DLEC1: variants seen among roughly 807,000 people sequenced by gnomAD.
DLEC1 encodes the protein DLEC1 cilia and flagella associated protein.
DLEC1 carries 146 observed loss-of-function variants against 198.1 expected under a neutral mutation model. The ratio of observed to expected loss-of-function variants is 0.74; its 90% CI spans 0.64 to 0.85. The LOEUF (loss-of-function observed/expected upper bound fraction) is 0.85, where lower values mean the gene tolerates loss of function less well. Among genes scored for constraint, DLEC1 ranks in the 40% least tolerant of loss-of-function variants. DLEC1 has a pLI of 0.00. For synonymous variants in DLEC1, 897 were observed against 866.8 expected, an observed-to-expected ratio of 1.03 and a Z score of -0.61; for missense variants, 2,233 against 2,220.0, an observed-to-expected ratio of 1.01 and a Z score of -0.12.
chr3:38,060,827 T>C (rs1696642567), intron 3 of DLEC1, among the ~76,000 whole-genome samples: 1 of 152,036 alleles, frequency 6.6e-6, no homozygotes, highest in Non-Finnish European at 1.5e-5. Flanking sequence ...CCCAAGTAGC[T>C]GGGATTACAG....
chr3:38,110,004 G>A lies in DLEC1; in HGVS notation c.3261-95G>A. 2.1e-6 allele frequency: 3 copies of A among 1,399,972 alleles called. No homozygotes were observed. The South Asian group carries it at 3.9e-5, about 18-fold the overall frequency. 86.7% of individuals were successfully genotyped at this position (1,399,972 alleles called of 1,614,324 possible). A position where few individuals can be genotyped will look rare whatever the true frequency, so the allele number is the denominator to read the frequency against. On this transcript the variant is annotated intron_variant, in intron 22 of 36. Transcript: ENST00000308059. ...AGTCTGAGGATGAAGCCTGGTGTCT[G>A]GGCAGCTTCTGCATGCCCACCCAAG...
In DLEC1 at chr3:38,067,752, C is replaced by CTTTT. The variant is rs34213412; in HGVS notation, c.1173+3848_1173+3851dup. Among the ~76,000 whole-genome samples the CTTTT allele has an allele frequency of 2.8e-3, 346 of 123,702 alleles. 9 individuals carry two copies. The highest frequency in any genetic ancestry group is 0.01 in the African/African-American group (322 of 31,776). 81.2% of individuals were successfully genotyped at this position (123,702 alleles called of 152,430 possible). ...ATGACAATGCAAGTGAGTATCTGCA[C>CTTTT]TTTTTTTTTTTTTTTTTTGAGATGG... On this transcript the variant is annotated intron_variant, in intron 6 of 36. Transcript: ENST00000308059.
At chr3:38,098,065 G>C (rs899272204) in intron 18 of DLEC1, among the ~76,000 whole-genome samples, 163 bp downstream of exon 18, 23 of 152,208 alleles carry the variant, frequency 1.5e-4, no homozygotes, top group African/African-American at 5.5e-4. Flanking sequence ...TCTCCCCATC[G>C]CTGAGGCAGC....
At chr3:38,044,621 C>G (rs1199131130) in intron 1 of DLEC1, among the ~76,000 whole-genome samples, 2 of 152,170 alleles carry the variant, frequency 1.3e-5, no homozygotes, top group Admixed American at 1.3e-4. Context: ...ACTGTGTTGC[C>G]CAGGCTGATC....
chr3:38,079,393 G>A (rs1408134986), intron 6 of DLEC1, among the ~76,000 whole-genome samples: 1 of 152,146 alleles, frequency 6.6e-6, no homozygotes, highest in African/African-American at 2.4e-5. Context: ...AGGGAAACAG[G>A]CCCTTGAAAA....
In DLEC1 at chr3:38,110,240, T is replaced by C. The variant is rs12630114; in HGVS notation, c.3402T>C (p.Tyr1134=). The C allele has an allele frequency of 0.38, 613,516 of 1,613,856 alleles. 120,200 individuals carry two copies. The highest frequency in any genetic ancestry group is 0.58 in the East Asian group (25,866 of 44,866). Reference sequence around the variant, plus strand: ...CCCGTTTCTCCCTCAAGTTTGAGTATTTCGGGAGCCCCCAAAACAGCCTGA... The same window carrying C: ...CCCGTTTCTCCCTCAAGTTTGAGTACTTCGGGAGCCCCCAAAACAGCCTGA... ...IRTRFSLKFE[Y]FGSPQNSLSK... Residue 1134 remains tyrosine, a synonymous_variant, in exon 23 of 37, where the codon TAT becomes TAC. Transcript: ENST00000308059.
At chr3:38,096,844 G>A in intron 15 of DLEC1, 107 bp downstream of exon 15, 1 of 1,314,440 alleles carries the variant, frequency 7.6e-7, no homozygotes, top group Non-Finnish European at 1.0e-6. Flanking sequence ...GCCACTGCAT[G>A]GAGGCTGAGG....
intron 22 of DLEC1, chr3:38,109,882 G>T: frequency 1.5e-6 from 1 of 685,636 alleles, no homozygotes; most frequent in Non-Finnish European, 2.4e-6. Context: ...CCAGCATGCC[G>T]CTGGCCAGGG....
At chr3:38,077,945 A>C (rs1330561686) in intron 6 of DLEC1, among the ~76,000 whole-genome samples, 1 of 152,192 alleles carries the variant, frequency 6.6e-6, no homozygotes, top group Non-Finnish European at 1.5e-5. Context: ...GAGAGGTTCT[A>C]AGAGGCGGGC....
chr3:38,064,076 G>A (rs1236276376), intron 6 of DLEC1, among the ~76,000 whole-genome samples, 157 bp downstream of exon 6: 1 of 149,646 alleles, frequency 6.7e-6, no homozygotes, highest in Non-Finnish European at 1.5e-5. Flanking sequence ...ATTTGGCAGG[G>A]TCTAGGACAA....
chr3:38,117,477 A>G lies in DLEC1; in HGVS notation c.4401-50A>G, dbSNP rs775802861. 2.2e-5 allele frequency: 36 copies of G among 1,611,602 alleles called. No individual in the cohort carries two copies. In the East Asian group the frequency reaches 6.9e-4, roughly 31 times the overall value. On this transcript the variant is annotated intron_variant, in intron 31 of 36. Transcript: ENST00000308059. ...CTGGATGAGCAGAGTGGGGGCAGCCAGAAGGCCCCAGGCGCCCGGCTTGCC... is the reference window on the plus strand; with the variant it reads ...CTGGATGAGCAGAGTGGGGGCAGCCGGAAGGCCCCAGGCGCCCGGCTTGCC...
intron 6 of DLEC1, among the ~76,000 whole-genome samples, chr3:38,068,897 G>A (rs1697171306): frequency 6.6e-6 from 1 of 152,160 alleles, no homozygotes; most frequent in Non-Finnish European, 1.5e-5. Context: ...AATATAACAT[G>A]AATTACTAAT....
Position 38,122,072 on chromosome 3 carries a change from C to A in DLEC1, c.5022C>A (p.Gly1674=), listed in dbSNP as rs1407212931. The A allele has an allele frequency of 3.7e-6, 6 of 1,613,782 alleles. No homozygotes were observed. The highest frequency in any genetic ancestry group is 5.1e-6 in the Non-Finnish European group (6 of 1,179,884). Residue 1674 remains glycine, a splice_region_variant and synonymous_variant, in exon 36 of 37, where the codon GGC becomes GGA. Coordinates refer to ENST00000308059, the MANE Select transcript of DLEC1 (RefSeq NM_007335.4). ...TGTCTTCCCTTCCCTTTGGTGCAGG[C>A]CAGCAGGAGCCAGCCAAGGCCGCTG... ...GCRSYWTMLM[G]QQEPAKAAVA...
chr3:38,062,768 TAGG>T lies in DLEC1; in HGVS notation c.1064_1066del (p.Gly355del), dbSNP rs1483343025. ...TTTCCTCCAAAGAAGCCAGCACCGA[TAGG>T]AGAATTCCAGAGTACAGAGCCAGAA... On this transcript the variant is annotated inframe_deletion, in exon 5 of 37. Coordinates refer to ENST00000308059, the MANE Select transcript of DLEC1 (RefSeq NM_007335.4). The T allele has an allele frequency of 7.4e-6, 12 of 1,613,900 alleles. No homozygotes were observed. In the African/African-American group the frequency reaches 1.1e-4, roughly 14 times the overall value.
chr3:38,053,436 G>C (rs920873629), intron 2 of DLEC1, among the ~76,000 whole-genome samples: 3 of 152,106 alleles, frequency 2.0e-5, no homozygotes, highest in South Asian at 2.1e-4. Flanking sequence ...CCTCTGCCCG[G>C]CCGCGACCCC....
rs929120770 is a variant in DLEC1, at chr3:38,112,615, G to C, written c.3666+254G>C. ...ACCTTTTCCCAGGAGATGCAGGGCT[G>C]GGGCCATATCGAGGAGGGAAGAGGA... On this transcript the variant is annotated intron_variant, in intron 25 of 36. Coordinates refer to ENST00000308059, the MANE Select transcript of DLEC1 (RefSeq NM_007335.4). The surrounding 1 kb of genome is among the most constrained non-coding windows in gnomAD (Gnocchi z 4.8). 6.6e-6 allele frequency among the ~76,000 whole-genome samples: 1 copy of C among 152,208 alleles called. No individual in the cohort carries two copies. The highest frequency in any genetic ancestry group is 2.4e-5 in the African/African-American group (1 of 41,444).
intron 6 of DLEC1, among the ~76,000 whole-genome samples, chr3:38,066,070 C>T (rs1462725016): frequency 6.6e-6 from 1 of 152,154 alleles, no homozygotes; most frequent in Non-Finnish European, 1.5e-5. Context: ...AAGAATACTT[C>T]CTTGGTGGTA....
Position 38,107,588 on chromosome 3 carries a change from C to G in DLEC1, c.2869C>G (p.Leu957Val). Residue 957 changes from leucine (L) to valine (V), a missense_variant, in exon 20 of 37, where the codon CTT becomes GTT. Coordinates refer to ENST00000308059, the MANE Select transcript of DLEC1 (RefSeq NM_007335.4). ...LEVENGAWSY[L>V]PVYAEVQKPH... ...TTTTGTTTCCTCGTGTTCCAGCTAC[C>G]TTCCTGTGTATGCTGAGGTACAGAA... is the stretch of plus-strand genomic sequence containing the variant. The G allele has an allele frequency of 1.9e-6, 3 of 1,604,382 alleles. No individual in the cohort carries two copies. The highest frequency in any genetic ancestry group is 2.6e-6 in the Non-Finnish European group (3 of 1,174,430).
intron 9 of DLEC1, among the ~76,000 whole-genome samples, chr3:38,086,986 A>G (rs1025478019): frequency 6.6e-6 from 1 of 151,988 alleles, no homozygotes; most frequent in South Asian, 2.1e-4. Flanking sequence ...AGGAAGGAGA[A>G]TCACTTGAAC....
Sources: allele counts gnomAD v4.1 joint callset (sites outside exome capture counted in the v4.1 genomes callset), GRCh38; gene constraint gnomAD v4.1.1; non-coding constraint Gnocchi (gnomAD v3.1); transcripts MANE v1.5; gene names NCBI Gene and HGNC (gene_info 2026-07-23, HGNC 2026-07-21).